The following TG variants were observed in gnomAD, a reference collection of about 807,000 sequenced individuals.
TG encodes the protein thyroid hormones.
Under a neutral mutation model 324.7 loss-of-function variants are expected in TG, and 270 were observed. The observed-to-expected ratio is 0.83, with a 90% CI of 0.75 to 0.92. The LOEUF is 0.92. Ranked by LOEUF, TG falls within the 40% of genes least tolerant of loss-of-function variation. The pLI, the probability that TG is intolerant of heterozygous loss-of-function variation, is 0.00. For synonymous variants in TG, 1,401 were observed against 1,327.0 expected (o/e 1.06, Z -1.21); for missense variants, 3,591 against 3,456.4 (o/e 1.04, Z -0.98).
At chr8:133,100,362 A>T (rs1040173784) in intron 43 of TG, among the ~76,000 whole-genome samples, 52 of 152,124 alleles carry the variant, frequency 3.4e-4, no homozygotes, top group African/African-American at 1.2e-3. Context: ...CATATTATGT[A>T]TTTGTCTGTT....
intron 45 of TG, among the ~76,000 whole-genome samples, chr8:133,130,383 A>C (rs57332878): frequency 0.22 from 32,889 of 152,182 alleles, 4,055 homozygotes; most frequent in Middle Eastern, 0.29. Context: ...AGGTGTGACT[A>C]AGGTTCAAGA....
intron 26 of TG, among the ~76,000 whole-genome samples, chr8:132,946,872 T>C (rs1434828168): frequency 6.6e-6 from 1 of 152,142 alleles, no homozygotes; most frequent in African/African-American, 2.4e-5. Context: ...CTCAGGGACA[T>C]TTGGCACTAG....
At chr8:132,890,240 T>G (rs774665067) in intron 10 of TG, among the ~76,000 whole-genome samples, 1 of 152,220 alleles carries the variant, frequency 6.6e-6, no homozygotes, top group Non-Finnish European at 1.5e-5. Flanking sequence ...TTTCTATTAA[T>G]ATTTTCATTT....
intron 41 of TG, chr8:133,058,929 G>A (rs1482745645): frequency 4.3e-6 from 2 of 459,888 alleles, no homozygotes; most frequent in East Asian, 1.3e-4. Flanking sequence ...GGGGTGTGGG[G>A]TGGCTGGGTC....
intron 22 of TG, 65 bp downstream of exon 22, chr8:132,923,573 T>C (rs894516210): frequency 3.2e-6 from 5 of 1,544,882 alleles, no homozygotes; most frequent in East Asian, 2.3e-5. Flanking sequence ...AAGGGCTTTT[T>C]AGAAAGGGAG....
intron 41 of TG, among the ~76,000 whole-genome samples, chr8:133,078,678 G>A (rs1283241235): frequency 6.6e-6 from 1 of 152,188 alleles, no homozygotes; most frequent in Non-Finnish European, 1.5e-5. Flanking sequence ...CTACCCTCAA[G>A]GAGTTCAAAG....
At chr8:132,903,617 G>A (rs1035644801) in intron 16 of TG, among the ~76,000 whole-genome samples, 5 of 152,220 alleles carry the variant, frequency 3.3e-5, no homozygotes, top group African/African-American at 9.6e-5. Context: ...CAGGAGAGTG[G>A]AATAGTCCTG....
intron 41 of TG, chr8:133,049,842 CT>C: frequency 9.0e-7 from 1 of 1,108,230 alleles, no homozygotes; most frequent in Non-Finnish European, 1.4e-6. Flanking sequence ...TTTGTTCCAC[CT>C]TATGAGTCAC....
intron 35 of TG, among the ~76,000 whole-genome samples, chr8:132,990,798 G>C (rs1832217826): frequency 6.6e-6 from 1 of 152,146 alleles, no homozygotes; most frequent in African/African-American, 2.4e-5. Flanking sequence ...ACTTTGTAGA[G>C]CTGAAATTTG....
chr8:133,119,825 T>C (rs1428603071), intron 45 of TG, among the ~76,000 whole-genome samples: 5 of 152,340 alleles, frequency 3.3e-5, no homozygotes, highest in Non-Finnish European at 7.3e-5. Context: ...CAGAACTCTT[T>C]CCACTCTAAC....
In TG at chr8:132,929,225, G is replaced by A. The variant is rs191467829; in HGVS notation, c.4816+33G>A. Reference sequence around the variant, plus strand: ...GTGGTGGGGAGATATGCACTCAGAAGAAGGTGTGGAAATAAGCTCTGCTGA... The same window carrying A: ...GTGGTGGGGAGATATGCACTCAGAAAAAGGTGTGGAAATAAGCTCTGCTGA... On this transcript the variant is annotated intron_variant, in intron 23 of 47. Coordinates refer to ENST00000220616, the MANE Select transcript of TG (RefSeq NM_003235.5). 106 of 1,532,132 alleles carry A rather than the reference G, an allele frequency of 6.9e-5. No individual in the cohort carries two copies. In the East Asian group the frequency reaches 2.1e-3, roughly 31 times the overall value. 94.9% of individuals were successfully genotyped at this position (1,532,132 alleles called of 1,614,324 possible). A position where few individuals can be genotyped will look rare whatever the true frequency, so the allele number is the denominator to read the frequency against.
Position 133,010,102 on chromosome 8 carries a change from G to A in TG, c.6263-1799G>A, listed in dbSNP as rs1158219357. ...TACCTGGGGATAATGTTCTGGAAAA[G>A]GTGCTCAGCTGCATAGGAAACTCAG... On this transcript the variant is annotated intron_variant, in intron 35 of 47. Transcript: ENST00000220616. 2.0e-5 allele frequency among the ~76,000 whole-genome samples: 3 copies of A among 152,310 alleles called. No individual in the cohort carries two copies. In the East Asian group the frequency reaches 5.8e-4, roughly 29 times the overall value.
At position 132,929,030 on chromosome 8, in the gene TG, C is replaced by A. The variant is rs1328052938; in HGVS notation, c.4700-46C>A. On this transcript the variant is annotated intron_variant, in intron 22 of 47. Transcript: ENST00000220616. ...GTCTTTATGGCTTCTCTGCAGATGC[C>A]CTACACCCTTCTGAGTCAGATTTAC... is the stretch of plus-strand genomic sequence containing the variant. The A allele has an allele frequency of 1.1e-5, 17 of 1,517,596 alleles. No individual in the cohort carries two copies. In the South Asian group the frequency reaches 1.9e-4, roughly 17 times the overall value. 94.0% of individuals were successfully genotyped at this position (1,517,596 alleles called of 1,614,324 possible).
intron 35 of TG, 25 bp downstream of exon 35, chr8:132,983,437 T>C: frequency 6.2e-7 from 1 of 1,606,276 alleles, no homozygotes; most frequent in Non-Finnish European, 8.5e-7. Flanking sequence ...TTTTTATCTC[T>C]TGGATGAGAG....
At chr8:132,886,299 TA>T in intron 8 of TG, 148 bp from the exon 9 acceptor site, 1 of 1,187,926 alleles carries the variant, frequency 8.4e-7, no homozygotes, top group Non-Finnish European at 1.2e-6. Flanking sequence ...AAGGAAAAAA[TA>T]AAATGACACA....
Position 132,968,821 on chromosome 8 carries a change from A to G in TG, c.5864-637A>G, listed in dbSNP as rs116602792. Among the ~76,000 whole-genome samples, 944 of 152,314 alleles carry G rather than the reference A, an allele frequency of 6.2e-3. 4 individuals are homozygous for G. The highest frequency in any genetic ancestry group is 0.022 in the African/African-American group (906 of 41,570). ...CTGGCTCCTGGTGGTTTGGGCACCA[A>G]ATAAATCTGGAAAATGTCGGGGGGA... is the stretch of plus-strand genomic sequence containing the variant. On this transcript the variant is annotated intron_variant, in intron 31 of 47. Transcript: ENST00000220616.
intron 41 of TG, 146 bp from the exon 42 acceptor site, chr8:133,094,898 C>A: frequency 1.9e-6 from 2 of 1,048,176 alleles, no homozygotes; most frequent in Non-Finnish European, 3.0e-6. Context: ...TCCTTATCTT[C>A]CCATTGTGTG....
chr8:132,894,954 GGCCTGGATGGGAAGCCCA>G (rs1378946576), intron 11 of TG, among the ~76,000 whole-genome samples: 9 of 152,182 alleles, frequency 5.9e-5, no homozygotes, highest in Non-Finnish European at 1.2e-4. Context: ...ATAACCAGTG[GGCCTGGATGGGAAGCCCA>G]GAGACCTGGT....
intron 3 of TG, among the ~76,000 whole-genome samples, chr8:132,870,766 G>C (rs570838775): frequency 1.1e-3 from 163 of 152,180 alleles, no homozygotes; most frequent in African/African-American, 3.8e-3. Context: ...TCATGTGAGA[G>C]AGAAAGCTAG....
Sources: gnomAD v4.1 joint callset for allele counts (sites outside exome capture counted in the v4.1 genomes callset) on GRCh38, gnomAD v4.1.1 for gene constraint, MANE v1.5 for transcripts, NCBI Gene and HGNC (gene_info 2026-07-23, HGNC 2026-07-21) for gene names.